The following DPYD variants were observed in gnomAD, a reference collection of about 807,000 sequenced individuals.
DPYD encodes dihydropyrimidine dehydrogenase, also known as dihydropyrimidine dehydrogenase [NADP(+)].
A neutral mutation model predicts 116.2 loss-of-function variants in DPYD; 109 were observed. The observed-to-expected ratio is 0.94, with a 90% CI of 0.80 to 1.10. The LOEUF is 1.10. Among genes scored for constraint, DPYD ranks in the 50% least tolerant of loss-of-function variants. The probability of loss-of-function intolerance (pLI) is 0.00; values close to 1 mark genes in which losing one functional copy is unlikely to be tolerated. For synonymous variants in DPYD, 440 were observed against 432.0 expected (o/e 1.02, Z -0.23); for missense variants, 1,302 against 1,254.5 (o/e 1.04, Z -0.57).
chr1:97,414,352 T>A (rs1412270570), intron 14 of DPYD, among the ~76,000 whole-genome samples: 2 of 152,252 alleles, frequency 1.3e-5, no homozygotes, highest in Non-Finnish European at 2.9e-5. Flanking sequence ...AAGGCAAATA[T>A]ACAGTAGATG....
chr1:97,540,889 G>A (rs1216546573), intron 12 of DPYD, among the ~76,000 whole-genome samples: 1 of 152,090 alleles, frequency 6.6e-6, no homozygotes, highest in Non-Finnish European at 1.5e-5. Context: ...AAAGATTTTA[G>A]GAGTTGTATG....
At chr1:97,218,018 T>C (rs1660527751) in intron 19 of DPYD, among the ~76,000 whole-genome samples, 1 of 152,212 alleles carries the variant, frequency 6.6e-6, no homozygotes, top group Non-Finnish European at 1.5e-5. Flanking sequence ...CCCAAATTTA[T>C]CCAGCTAGTA....
chr1:97,582,964 T>TTTG (rs1471708953), intron 10 of DPYD, among the ~76,000 whole-genome samples: 4 of 152,102 alleles, frequency 2.6e-5, no homozygotes, highest in South Asian at 4.1e-4. Flanking sequence ...GGGTTGATTT[T>TTTG]TTGTTGTTGT....
At chr1:97,449,911 T>C in intron 14 of DPYD, 148 bp downstream of exon 14, 1 of 1,031,182 alleles carries the variant, frequency 9.7e-7, no homozygotes, top group Non-Finnish European at 1.4e-6. Context: ...TTCTTTCTTT[T>C]TTATCTTTCT....
At chr1:97,577,819 A>AT (rs997235463) in intron 10 of DPYD, among the ~76,000 whole-genome samples, 31 of 151,964 alleles carry the variant, frequency 2.0e-4, no homozygotes, top group African/African-American at 7.2e-4. Context: ...TATTTTTGTT[A>AT]TTTTTTATTT....
At chr1:97,723,152 C>A (rs1022860193) in intron 4 of DPYD, among the ~76,000 whole-genome samples, 3 of 151,512 alleles carry the variant, frequency 2.0e-5, no homozygotes, top group Non-Finnish European at 3.0e-5. Flanking sequence ...TCACAGCATT[C>A]GTGGTGGTTT....
At chr1:97,559,370 T>G (rs931743514) in intron 11 of DPYD, among the ~76,000 whole-genome samples, 3 of 152,264 alleles carry the variant, frequency 2.0e-5, no homozygotes, top group South Asian at 2.1e-4. Flanking sequence ...AAAAATATTT[T>G]AATTAACAAA....
intron 18 of DPYD, among the ~76,000 whole-genome samples, chr1:97,294,072 G>A (rs905618790): frequency 2.0e-5 from 3 of 151,976 alleles, no homozygotes; most frequent in East Asian, 1.9e-4. Flanking sequence ...TGGAGGAGTC[G>A]ATATGAAGGA....
intron 3 of DPYD, among the ~76,000 whole-genome samples, chr1:97,825,578 A>G (rs986390876): frequency 4.5e-5 from 6 of 132,966 alleles, no homozygotes; most frequent in African/African-American, 1.7e-4. Flanking sequence ...CAATGAGAAC[A>G]CTTGGACACA....
intron 18 of DPYD, among the ~76,000 whole-genome samples, chr1:97,294,293 TTTTG>T (rs879306191): frequency 1.2e-4 from 19 of 152,158 alleles, no homozygotes; most frequent in Non-Finnish European, 1.9e-4. Context: ...TCTTGTTTAT[TTTTG>T]TTTATTTATA....
intron 16 of DPYD, among the ~76,000 whole-genome samples, chr1:97,337,783 G>C (rs1335625406): frequency 6.6e-6 from 1 of 152,094 alleles, no homozygotes; most frequent in East Asian, 1.9e-4. Context: ...AATGGCATGG[G>C]ATTGCTTAAC....
intron 3 of DPYD, among the ~76,000 whole-genome samples, chr1:97,819,147 G>A (rs1282071978): frequency 1.3e-5 from 2 of 151,812 alleles, no homozygotes; most frequent in Non-Finnish European, 2.9e-5. Flanking sequence ...CTCTGGACAT[G>A]GTGAAATATG....
chr1:97,850,101 T>C (rs938957115), intron 2 of DPYD, among the ~76,000 whole-genome samples: 2 of 152,168 alleles, frequency 1.3e-5, no homozygotes, highest in African/African-American at 4.8e-5. Flanking sequence ...TAAAAAATAA[T>C]GGACAGCTCA....
chr1:97,838,642 G>A (rs1292659797), intron 2 of DPYD, among the ~76,000 whole-genome samples: 2 of 151,122 alleles, frequency 1.3e-5, no homozygotes, highest in Admixed American at 6.6e-5. Context: ...TCAGGAGATC[G>A]AGACCATCCT....
chr1:97,508,894 A>T (rs1221612724), intron 13 of DPYD, among the ~76,000 whole-genome samples: 1 of 151,974 alleles, frequency 6.6e-6, no homozygotes, highest in Admixed American at 6.6e-5. Context: ...TGGCATCAAG[A>T]GGATTTGCAA....
chr1:97,904,400 T>C (rs74342068), intron 1 of DPYD, among the ~76,000 whole-genome samples: 4,900 of 152,010 alleles, frequency 0.032, 128 homozygotes, highest in Middle Eastern at 0.065. Flanking sequence ...TGAAGGGTTA[T>C]TGCACTGAAG....
chr1:97,766,645 A>C (rs1029342705), intron 3 of DPYD, among the ~76,000 whole-genome samples: 4 of 152,156 alleles, frequency 2.6e-5, no homozygotes, highest in Admixed American at 2.6e-4. Flanking sequence ...GCTTCTAGAA[A>C]TCTTAAAGAG....
intron 16 of DPYD, among the ~76,000 whole-genome samples, chr1:97,365,371 ATTACC>A (rs2101461225): frequency 6.6e-6 from 1 of 152,226 alleles, no homozygotes; most frequent in African/African-American, 2.4e-5. Flanking sequence ...GTGACATTAC[ATTACC>A]TGAACTCTTC....
intron 13 of DPYD, among the ~76,000 whole-genome samples, chr1:97,476,411 T>C (rs967688107): frequency 3.9e-5 from 6 of 152,284 alleles, no homozygotes; most frequent in Admixed American, 1.3e-4. Context: ...AAAGTATAAA[T>C]TTATATGAAA....
Sources: gnomAD v4.1 joint callset for allele counts (sites outside exome capture counted in the v4.1 genomes callset) on GRCh38, gnomAD v4.1.1 for gene constraint, MANE v1.5 for transcripts, NCBI Gene and HGNC (gene_info 2026-07-23, HGNC 2026-07-21) for gene names.